RFC3: variants seen among roughly 807,000 people sequenced by gnomAD.
RFC3 encodes the protein replication factor C subunit 3.
RFC3 carries 41 observed loss-of-function variants against 45.1 expected under a neutral mutation model. The observed-to-expected ratio is 0.91, with a 90% CI of 0.71 to 1.18. The LOEUF is 1.18. Among genes scored for constraint, RFC3 ranks in the 50% most tolerant of loss-of-function variants. RFC3 has a pLI of 0.00. For synonymous variants in RFC3, 149 were observed against 144.0 expected, an observed-to-expected ratio of 1.03 and a Z score of -0.25; for missense variants, 423 against 428.1, an observed-to-expected ratio of 0.99 and a Z score of 0.10.
chr13:33,875,965 G>T (rs868264005), intron 8 of RFC3, among the ~76,000 whole-genome samples: 1 of 152,120 alleles, frequency 6.6e-6, no homozygotes, highest in Non-Finnish European at 1.5e-5. Context: ...ATATTGCTGG[G>T]CACATAGTAT....
intron 8 of RFC3, among the ~76,000 whole-genome samples, chr13:33,960,270 A>G (rs1451579923): frequency 2.6e-5 from 4 of 152,122 alleles, no homozygotes; most frequent in African/African-American, 9.7e-5. Flanking sequence ...TTGAAAGGGC[A>G]CTCAATCAGA....
chr13:33,922,219 A>G (rs2082774050), intron 8 of RFC3, among the ~76,000 whole-genome samples: 1 of 150,904 alleles, frequency 6.6e-6, no homozygotes, highest in Non-Finnish European at 1.5e-5. Context: ...TTATTGGAAC[A>G]TAATTTACAT....
rs566279319 is a variant in RFC3, at chr13:33,866,820, C to T, written c.879+31603C>T. Among the ~76,000 whole-genome samples, 6 of 152,146 alleles carry T rather than the reference C, an allele frequency of 3.9e-5. No individual in the cohort carries two copies. In the East Asian group the frequency reaches 9.7e-4, roughly 24 times the overall value. On this transcript the variant is annotated intron_variant, in intron 8 of 8. Transcript: ENST00000434425. ...ATTTCTGAAATTCCACTAAGGCCTA[C>T]CAGGAGGAATAGGTATTTAAAAAGC...
intron 8 of RFC3, among the ~76,000 whole-genome samples, chr13:33,932,481 T>C (rs1272456622): frequency 6.6e-6 from 1 of 152,114 alleles, no homozygotes. Flanking sequence ...CTTTCATATC[T>C]CTGTATTATA....
chr13:33,891,769 G>T (rs1252701555), intron 8 of RFC3, among the ~76,000 whole-genome samples: 1 of 152,054 alleles, frequency 6.6e-6, no homozygotes, highest in Non-Finnish European at 1.5e-5. Flanking sequence ...AAATATATAT[G>T]TATAGACACA....
At chr13:33,941,077 A>T (rs144201584) in intron 8 of RFC3, among the ~76,000 whole-genome samples, 2 of 152,262 alleles carry the variant, frequency 1.3e-5, no homozygotes, top group Non-Finnish European at 2.9e-5. Flanking sequence ...AGTGGATGGG[A>T]GCTGGACATG....
At chr13:33,937,817 T>A (rs2137792417) in intron 8 of RFC3, among the ~76,000 whole-genome samples, 1 of 152,288 alleles carries the variant, frequency 6.6e-6, no homozygotes, top group South Asian at 2.1e-4. Flanking sequence ...TCTAATGTGC[T>A]CCTCAGGGCA....
At chr13:33,893,494 A>T (rs1479395858) in intron 8 of RFC3, among the ~76,000 whole-genome samples, 1 of 152,146 alleles carries the variant, frequency 6.6e-6, no homozygotes, top group Non-Finnish European at 1.5e-5. Flanking sequence ...CAAAACAGCA[A>T]GCAGGGTACT....
At chr13:33,840,784 T>C (rs2082192647), downstream of RFC3, among the ~76,000 whole-genome samples, 1 of 152,166 alleles carries the variant, frequency 6.6e-6, no homozygotes, top group African/African-American at 2.4e-5. Context: ...TTTAAAATTT[T>C]AAAAAGGTAC....
chr13:33,831,179 C>G, intron 6 of RFC3, 77 bp from the exon 7 acceptor site: 1 of 892,454 alleles, frequency 1.1e-6, no homozygotes, highest in Non-Finnish European at 1.9e-6. Context: ...ACCGCACGGA[C>G]CAGTGGTTGG....
chr13:33,918,842 C>T (rs1201911373), intron 8 of RFC3, among the ~76,000 whole-genome samples: 1 of 152,096 alleles, frequency 6.6e-6, no homozygotes, highest in African/African-American at 2.4e-5. Flanking sequence ...TCCACATTCT[C>T]AAAAGCAAAG....
At chr13:33,886,513 C>T (rs543577173) in intron 8 of RFC3, among the ~76,000 whole-genome samples, 8 of 142,214 alleles carry the variant, frequency 5.6e-5, no homozygotes, top group Middle Eastern at 3.7e-3. Flanking sequence ...CCAGCCTGGG[C>T]GACAGAGCAA....
chr13:33,908,244 C>G (rs2082683230), intron 8 of RFC3, among the ~76,000 whole-genome samples: 1 of 151,722 alleles, frequency 6.6e-6, no homozygotes, highest in African/African-American at 2.4e-5. Context: ...TCTGAACAAC[C>G]TATTAGAAGA....
chr13:33,830,707 TTTTA>T lies in RFC3; in HGVS notation c.574-8_574-5del. 6.3e-7 allele frequency: 1 copy of T among 1,595,548 alleles called. No homozygotes were observed. The highest frequency in any genetic ancestry group is 8.5e-7 in the Non-Finnish European group (1 of 1,172,862). ...TTAATGGATTGCCCATTTTTGTTAA[TTTTA>T]TTTGTAGATTTGCCACGTGTTATCT... On this transcript the variant is annotated splice_region_variant and splice_polypyrimidine_tract_variant and intron_variant, in intron 5 of 8. Transcript: ENST00000380071.
At chr13:33,970,800 T>C (rs1299508606), downstream of RFC3, among the ~76,000 whole-genome samples, 1 of 152,190 alleles carries the variant, frequency 6.6e-6, no homozygotes, top group Non-Finnish European at 1.5e-5. Context: ...CTTCAGCCAT[T>C]GAGAAGGGTC....
intron 2 of RFC3, 40 bp from the exon 3 acceptor site, chr13:33,823,877 A>G: frequency 9.4e-7 from 1 of 1,059,772 alleles, no homozygotes; most frequent in South Asian, 1.5e-5. Context: ...GGAAATAGGC[A>G]ATAAATAAAT....
chr13:33,864,262 C>T (rs1235142509), intron 8 of RFC3, among the ~76,000 whole-genome samples: 1 of 152,174 alleles, frequency 6.6e-6, no homozygotes, highest in Non-Finnish European at 1.5e-5. Context: ...AACACCCCCT[C>T]CCACTAGGCC....
At chr13:33,940,383 A>T (rs1356280677) in intron 8 of RFC3, among the ~76,000 whole-genome samples, 2 of 152,176 alleles carry the variant, frequency 1.3e-5, no homozygotes, top group Non-Finnish European at 2.9e-5. Context: ...ACACATGGGG[A>T]TGATTTCATC....
At chr13:33,892,124 C>A (rs1397895679) in intron 8 of RFC3, among the ~76,000 whole-genome samples, 1 of 151,914 alleles carries the variant, frequency 6.6e-6, no homozygotes, top group Non-Finnish European at 1.5e-5. Context: ...CATAACAGTT[C>A]ATATGCTGTA....
Sources: allele counts gnomAD v4.1 joint callset (sites outside exome capture counted in the v4.1 genomes callset), GRCh38; gene constraint gnomAD v4.1.1; transcripts MANE v1.5; gene names NCBI Gene and HGNC (gene_info 2026-07-23, HGNC 2026-07-21).